Variants in CTF1 observed in about 807,000 individuals in gnomAD.
CTF1 encodes the protein cardiotrophin 1.
In CTF1, 9 loss-of-function variants were observed where a neutral mutation model predicts 10.9. That is an observed-to-expected ratio of 0.83 (90% CI 0.50 to 1.44). CTF1 has a LOEUF of 1.44. Ranked by LOEUF, CTF1 falls within the 40% of genes most tolerant of loss-of-function variation. The probability of loss-of-function intolerance (pLI) is 0.00; values close to 1 mark genes in which losing one functional copy is unlikely to be tolerated. For missense variants in CTF1, 259 were observed against 275.3 expected (o/e 0.94, Z 0.42); for synonymous variants, 133 against 138.8 (o/e 0.96, Z 0.29).
chr16:30,896,748 C>T (rs2055354914), intron 1 of CTF1, 80 bp downstream of exon 1: 2 of 1,208,740 alleles, frequency 1.7e-6, no homozygotes, highest in African/African-American at 1.6e-5. Context: ...GTCTGGGTTT[C>T]CGCCACCCCC....
At position 30,902,431 on chromosome 16, in the gene CTF1, G is replaced by T; in HGVS notation, c.498G>T (p.Gly166=). Residue 166 remains glycine, a synonymous_variant, in exon 3 of 3, where the codon GGG becomes GGT. Transcript: ENST00000279804. The stretch of plus-strand genomic sequence containing the variant: ...CCGCCTCAGCCGCCTCCGCCACCGG[G>T]GTCTTCCCCGCCAAGGTGCTGGGGC... ...AATASAASAT[G]VFPAKVLGLR... The T allele has an allele frequency of 2.1e-6, 3 of 1,410,766 alleles. No homozygotes were observed. The highest frequency in any genetic ancestry group is 2.8e-6 in the Non-Finnish European group (3 of 1,079,550). 87.4% of individuals were successfully genotyped at this position (1,410,766 alleles called of 1,614,324 possible).
chr16:30,903,552 C>G (rs1256761144), downstream of CTF1: 1 of 152,074 alleles, frequency 6.6e-6, no homozygotes, highest in Non-Finnish European at 1.5e-5. Flanking sequence ...AAAAAAGAAA[C>G]TAAAGTTACT....
intron 1 of CTF1, among the ~76,000 whole-genome samples, chr16:30,897,442 C>G (rs2055363120): frequency 6.6e-6 from 1 of 152,140 alleles, no homozygotes; most frequent in Non-Finnish European, 1.5e-5. Flanking sequence ...AAAGGGCTCT[C>G]AGGCTAAGGC....
chr16:30,898,605 A>G (rs1567330171), intron 1 of CTF1, among the ~76,000 whole-genome samples: 1 of 152,132 alleles, frequency 6.6e-6, no homozygotes, highest in South Asian at 2.1e-4. Context: ...TATATATTAT[A>G]TAATAAAATA....
At chr16:30,897,098 G>T (rs1450709405) in intron 1 of CTF1, among the ~76,000 whole-genome samples, 1 of 149,096 alleles carries the variant, frequency 6.7e-6, no homozygotes, top group East Asian at 2.0e-4. Context: ...GCTGAGGATC[G>T]CGACTGGTGC....
At chr16:30,897,383 T>C (rs1433471358) in intron 1 of CTF1, among the ~76,000 whole-genome samples, 1 of 152,156 alleles carries the variant, frequency 6.6e-6, no homozygotes, top group Non-Finnish European at 1.5e-5. Context: ...TCGATGATGT[T>C]GAAGTCCACT....
Position 30,902,520 on chromosome 16 carries a change from T to A in CTF1, c.587T>A (p.Leu196Gln). The change falls in exon 3 of 3, where the codon CTG (leucine) becomes CAG (glutamine). Residue 196 changes from leucine (L) to glutamine (Q), a missense_variant. By Grantham distance (113) the Leu-to-Gln change is moderately radical. Coordinates refer to ENST00000279804, the MANE Select transcript of CTF1 (RefSeq NM_001330.5). The stretch of plus-strand genomic sequence containing the variant: ...ACCGAGGGCGACCTGGGCCAGCTGC[T>A]GCCCGGGGGCTCGGCCTGAGCGCCG... ...SRTEGDLGQL[L>Q]PGGSA 6.7e-7 allele frequency: 1 copy of A among 1,495,886 alleles called. No homozygotes were observed. The highest frequency in any genetic ancestry group is 1.2e-5 in the South Asian group (1 of 81,268). The allele number at this position is 1,495,886 out of a possible 1,614,324, so 92.7% of individuals were successfully genotyped here.
upstream of CTF1, chr16:30,896,479 G>C: frequency 1.7e-6 from 1 of 606,026 alleles, no homozygotes; most frequent in Non-Finnish European, 2.4e-6. Context: ...CGGACGAGGA[G>C]CTGAGCTCAG....
Position 30,899,532 on chromosome 16 carries a change from ATG to A in CTF1, c.144+2_144+3del. On this transcript the variant is annotated splice_donor_variant and coding_sequence_variant, in exon 2 of 3. Transcript: ENST00000279804. LOFTEE classifies it high-confidence loss of function. ...TACGCTGAGCAGCTGCTCCAGGAAT[ATG>A]TGAGTGGGAATGGGGGTGGGGGTGC... The A allele has an allele frequency of 2.8e-6, 2 of 721,506 alleles. No individual in the cohort carries two copies. The highest frequency in any genetic ancestry group is 4.7e-6 in the Non-Finnish European group (2 of 422,962). 44.7% of individuals were successfully genotyped at this position (721,506 alleles called of 1,614,324 possible). A position where few individuals can be genotyped will look rare whatever the true frequency, so the allele number is the denominator to read the frequency against.
At chr16:30,901,743 A>ATTTT (rs757616467) in intron 2 of CTF1, among the ~76,000 whole-genome samples, 3 of 97,786 alleles carry the variant, frequency 3.1e-5, no homozygotes, top group East Asian at 3.1e-4. Context: ...CACACTCGCT[A>ATTTT]TTTTTTTTTT....
chr16:30,902,162 A>C lies in CTF1; in HGVS notation c.229A>C (p.Ser77Arg). The change falls in exon 3 of 3, where the codon AGC (serine) becomes CGC (arginine). Residue 77 changes from serine to arginine, a missense_variant. Physicochemically the swap from Ser to Arg is moderately radical, Grantham distance 110 (BLOSUM62 -1). Transcript: ENST00000279804. ...PVAGLSAPAP[S>R]HAGLPVHERL... ...GGCCGGCCTGAGCGCCCCGGCTCCG[A>C]GCCACGCGGGGCTGCCAGTGCACGA... 7.6e-7 allele frequency: 1 copy of C among 1,312,122 alleles called. No homozygotes were observed. Among genetic ancestry groups the C allele is most frequent in the Non-Finnish European group, 9.7e-7 (1 of 1,029,874 alleles). 81.3% of individuals were successfully genotyped at this position (1,312,122 alleles called of 1,614,324 possible).
At chr16:30,901,043 C>T (rs1420086439) in intron 2 of CTF1, among the ~76,000 whole-genome samples, 1 of 152,058 alleles carries the variant, frequency 6.6e-6, no homozygotes, top group African/African-American at 2.4e-5. Flanking sequence ...ACAGTCACCA[C>T]CACCATATCT....
Position 30,902,821 on chromosome 16 carries a change from C to T in CTF1, c.*282C>T, listed in dbSNP as rs117210898. ...CCCAGCAGCTGGGACTACAGGCACG[C>T]GCCACCACAGCCGGCTAATTTTTTA... On this transcript the variant is annotated 3_prime_UTR_variant, in exon 3 of 3. Coordinates refer to ENST00000279804, the MANE Select transcript of CTF1 (RefSeq NM_001330.5). The T allele has an allele frequency of 0.05, 15,310 of 305,888 alleles. 699 individuals are homozygous for T. Among genetic ancestry groups the T allele is most frequent in the Admixed American group, 0.15 (2,885 of 19,360 alleles). The allele number at this position is 305,888 out of a possible 1,614,324, so 18.9% of individuals were successfully genotyped here.
At chr16:30,900,134 A>G (rs1596638239) in intron 2 of CTF1, among the ~76,000 whole-genome samples, 2 of 152,262 alleles carry the variant, frequency 1.3e-5, no homozygotes, top group South Asian at 2.1e-4. Context: ...CCCCAACAGT[A>G]AAAGGAGGCA....
In CTF1 at chr16:30,903,030, T is replaced by C. The variant is rs1446685453; in HGVS notation, c.*491T>C. 6.5e-6 allele frequency: 1 copy of C among 153,138 alleles called. No homozygotes were observed. Among genetic ancestry groups the C allele is most frequent in the South Asian group, 2.0e-4 (1 of 5,080 alleles). 9.5% of individuals were successfully genotyped at this position (153,138 alleles called of 1,614,324 possible). A position where few individuals can be genotyped will look rare whatever the true frequency, so the allele number is the denominator to read the frequency against. On this transcript the variant is annotated 3_prime_UTR_variant, in exon 3 of 3. Transcript: ENST00000279804. The stretch of plus-strand genomic sequence containing the variant: ...AACTCTTGGACCCTCCTCGTCTGCA[T>C]GGTAACTCCGTCTGAGTCTACCATT...
At position 30,903,163 on chromosome 16, in the gene CTF1, CG is replaced by C; in HGVS notation, c.*625del. 1 of 152,788 alleles carries C rather than the reference CG, an allele frequency of 6.5e-6. No individual in the cohort carries two copies. The highest frequency in any genetic ancestry group is 6.5e-5 in the Admixed American group (1 of 15,280). The allele number at this position is 152,788 out of a possible 1,614,324, so 9.5% of individuals were successfully genotyped here. On this transcript the variant is annotated 3_prime_UTR_variant, in exon 3 of 3. Transcript: ENST00000279804. Reference sequence around the variant, plus strand: ...TTTCCATCCCCACTTCCTGCCTTCTCGTGGCCCTGTGTGAGCACATGTGTAC... The same window carrying C: ...TTTCCATCCCCACTTCCTGCCTTCTCTGGCCCTGTGTGAGCACATGTGTAC...
rs1446685453 is a variant in CTF1, at chr16:30,903,030, T to G, written c.*491T>G. 1 of 153,020 alleles carries G rather than the reference T, an allele frequency of 6.5e-6. No homozygotes were observed. The allele number at this position is 153,020 out of a possible 1,614,324, so 9.5% of individuals were successfully genotyped here. On this transcript the variant is annotated 3_prime_UTR_variant, in exon 3 of 3. Coordinates refer to ENST00000279804, the MANE Select transcript of CTF1 (RefSeq NM_001330.5). ...AACTCTTGGACCCTCCTCGTCTGCA[T>G]GGTAACTCCGTCTGAGTCTACCATT...
chr16:30,899,959 C>T (rs1345276191), intron 2 of CTF1, among the ~76,000 whole-genome samples: 3 of 152,142 alleles, frequency 2.0e-5, no homozygotes, highest in Admixed American at 1.3e-4. Flanking sequence ...TGCTGTATTG[C>T]CCAGGCTGGT....
rs946350624 is a variant in CTF1, at chr16:30,899,418, A to C, written c.29A>C (p.Asp10Ala). Residue 10 changes from aspartate (D) to alanine (A), a missense_variant, in exon 2 of 3, where the codon GAC becomes GCC. Transcript: ENST00000279804. Reference protein sequence around the residue: MSRREGSLEDPQTDSSVSLL... With the variant: MSRREGSLEAPQTDSSVSLL... ...TTCCTCCCCCCTTTCCCACCAGAAG[A>C]CCCCCAGACTGATTCCTCAGTCTCA... is the stretch of plus-strand genomic sequence containing the variant. 1.2e-6 allele frequency: 2 copies of C among 1,605,894 alleles called. No individual in the cohort carries two copies. The highest frequency in any genetic ancestry group is 4.5e-5 in the East Asian group (2 of 44,826).
Sources: allele counts gnomAD v4.1 joint callset (sites outside exome capture counted in the v4.1 genomes callset), GRCh38; gene constraint gnomAD v4.1.1; transcripts MANE v1.5; gene names NCBI Gene and HGNC (gene_info 2026-07-23, HGNC 2026-07-21).